Variants in AMTN observed in about 807,000 individuals in gnomAD.
AMTN encodes RSTI689.
In AMTN, 29 loss-of-function variants were observed where a neutral mutation model predicts 27.4. That is an observed-to-expected ratio of 1.06 (90% CI 0.79 to 1.44). The LOEUF is 1.44. AMTN is among the 40% of genes most tolerant of loss of function. The probability of loss-of-function intolerance (pLI) is 0.00; values close to 1 mark genes in which losing one functional copy is unlikely to be tolerated. For synonymous variants in AMTN, 86 were observed against 95.7 expected, an observed-to-expected ratio of 0.90 and a Z score of 0.59; for missense variants, 247 against 248.8, an observed-to-expected ratio of 0.99 and a Z score of 0.05.
At chr4:70,525,078 C>A (rs17733287) in intron 5 of AMTN, 117 bp downstream of exon 5, 339,295 of 826,182 alleles carry the variant, frequency 0.41, 72,859 homozygotes, top group Admixed American at 0.5. Flanking sequence ...TATTAACTGA[C>A]GAATGTTCTG....
intron 2 of AMTN, among the ~76,000 whole-genome samples, chr4:70,521,660 T>C (rs1033805491): frequency 8.9e-6 from 1 of 112,550 alleles, no homozygotes; most frequent in East Asian, 2.4e-4. Context: ...TTTTTTTTTT[T>C]TTTTTTTTTT....
intron 2 of AMTN, among the ~76,000 whole-genome samples, chr4:70,521,347 T>C (rs1409475110): frequency 7.2e-6 from 1 of 138,298 alleles, no homozygotes; most frequent in Non-Finnish European, 1.5e-5. Flanking sequence ...TCCATTGCAC[T>C]CCAATCTGGA....
At position 70,529,177 on chromosome 4, in the gene AMTN, C is replaced by G. The variant is rs1463344415; in HGVS notation, c.331-7C>G. On this transcript the variant is annotated splice_region_variant and splice_polypyrimidine_tract_variant and intron_variant, in intron 6 of 8. Transcript: ENST00000339336. Reference sequence around the variant, plus strand: ...CTAACAAATTGTGTTTGTCATTTTGCTTTTAGGGCACTATCCTAAGCTCAG... The same window carrying G: ...CTAACAAATTGTGTTTGTCATTTTGGTTTTAGGGCACTATCCTAAGCTCAG... 1 of 1,555,040 alleles carries G rather than the reference C, an allele frequency of 6.4e-7. No individual in the cohort carries two copies. Among genetic ancestry groups the G allele is most frequent in the Non-Finnish European group, 8.7e-7 (1 of 1,155,930 alleles).
chr4:70,522,107 A>G (rs955126923), intron 2 of AMTN, among the ~76,000 whole-genome samples: 1 of 151,966 alleles, frequency 6.6e-6, no homozygotes, highest in African/African-American at 2.4e-5. Context: ...TTTTTCGGAG[A>G]CTAAGAGCAC....
At chr4:70,522,213 C>A (rs535563682) in intron 2 of AMTN, among the ~76,000 whole-genome samples, 1 of 152,012 alleles carries the variant, frequency 6.6e-6, no homozygotes, top group Non-Finnish European at 1.5e-5. Context: ...AAAAATAATA[C>A]AACTAGACCA....
intron 3 of AMTN, among the ~76,000 whole-genome samples, chr4:70,523,061 C>CTT (rs1736016482): frequency 6.6e-6 from 1 of 152,148 alleles, no homozygotes; most frequent in Non-Finnish European, 1.5e-5. Flanking sequence ...TACTCTAATT[C>CTT]TTTTTCCTTT....
Position 70,524,956 on chromosome 4 carries a change from C to G in AMTN, c.289C>G (p.Pro97Ala), listed in dbSNP as rs1736069472. 1 of 1,613,616 alleles carries G rather than the reference C, an allele frequency of 6.2e-7. No individual in the cohort carries two copies. Among genetic ancestry groups the G allele is most frequent in the Non-Finnish European group, 8.5e-7 (1 of 1,179,704 alleles). The change falls in exon 5 of 9, where the codon CCA becomes GCA. Residue 97 changes from proline (P) to alanine (A), a missense_variant. Physicochemically the swap from Pro to Ala is conservative, Grantham distance 27 (BLOSUM62 -1). Coordinates refer to ENST00000339336, the MANE Select transcript of AMTN (RefSeq NM_212557.4). Reference protein sequence around the residue: ...GGLNVQQQLHPHVLPIFVTQL... With the variant: ...GGLNVQQQLHAHVLPIFVTQL... ...GTTGAATGTACAACAGCAACTGCAC[C>G]CACATGTAAGTTGAACAGCTGGACC...
At chr4:70,522,621 G>A in intron 2 of AMTN, 134 bp from the exon 3 acceptor site, 1 of 844,034 alleles carries the variant, frequency 1.2e-6, no homozygotes, top group Non-Finnish European at 2.0e-6. Context: ...AATGTTTCAG[G>A]GAATCAAACT....
At chr4:70,521,832 C>T (rs989835809) in intron 2 of AMTN, among the ~76,000 whole-genome samples, 1 of 151,924 alleles carries the variant, frequency 6.6e-6, no homozygotes, top group Non-Finnish European at 1.5e-5. Context: ...GTTAGCCAGG[C>T]TGGTCCTGAA....
At position 70,532,697 on chromosome 4, in the gene AMTN, T is replaced by C; in HGVS notation, c.*232T>C. ...TAAATCTGTCTTTGAAATATAACAT[T>C]ATGCTGCCTGGATGATATGCATATT... On this transcript the variant is annotated 3_prime_UTR_variant, in exon 9 of 9. Transcript: ENST00000339336. 2.2e-6 allele frequency: 1 copy of C among 464,372 alleles called. No individual in the cohort carries two copies. Among genetic ancestry groups the C allele is most frequent in the Non-Finnish European group, 3.8e-6 (1 of 262,864 alleles). 28.8% of individuals were successfully genotyped at this position (464,372 alleles called of 1,614,324 possible).
intron 7 of AMTN, 101 bp downstream of exon 7, chr4:70,529,311 T>C: frequency 1.3e-6 from 1 of 788,486 alleles, no homozygotes. Flanking sequence ...AAATATGGTA[T>C]GTACTACAAT....
rs948911077 is a variant in AMTN at position 70,518,610 on chromosome 4, C to A, written c.-60C>A. On this transcript the variant is annotated 5_prime_UTR_variant, in exon 1 of 9. Transcript: ENST00000339336. ...TTTCACCAGAGTAAACTTGAGAAAC[C>A]AACTGGACCTTGAGTATTGTACATT... The A allele has an allele frequency of 5.1e-6, 3 of 583,634 alleles. No homozygotes were observed. The highest frequency in any genetic ancestry group is 3.8e-5 in the African/African-American group (2 of 52,860). The allele number at this position is 583,634 out of a possible 1,614,324, so 36.2% of individuals were successfully genotyped here.
chr4:70,532,383 A>T, intron 8 of AMTN, 72 bp from the exon 9 acceptor site: 1 of 1,253,094 alleles, frequency 8.0e-7, no homozygotes, highest in Non-Finnish European at 1.1e-6. Flanking sequence ...AGAAACTTGG[A>T]TCTCAAGTAA....
intron 2 of AMTN, among the ~76,000 whole-genome samples, 172 bp from the exon 3 acceptor site, chr4:70,522,583 T>C (rs1735999728): frequency 6.6e-6 from 1 of 152,144 alleles, no homozygotes; most frequent in Non-Finnish European, 1.5e-5. Flanking sequence ...CTGGCATTTT[T>C]CCACTCTACA....
At position 70,523,899 on chromosome 4, in the gene AMTN, C is replaced by T; in HGVS notation, c.170C>T (p.Thr57Ile). ...VFPSLSLIPL[T>I]QMLTLGPDLH... is the part of the protein sequence containing the mutation. ...CCTTCTTTAAGTCTGATACCATTAA[C>T]ACAGATGCTCACACTGGGGCCAGAT... Residue 57 changes from threonine (T) to isoleucine (I), a missense_variant, in exon 4 of 9, where the codon ACA becomes ATA. By Grantham distance (89) the Thr-to-Ile change is moderately conservative. Transcript: ENST00000339336. 1 of 1,613,842 alleles carries T rather than the reference C, an allele frequency of 6.2e-7. No individual in the cohort carries two copies. The highest frequency in any genetic ancestry group is 1.1e-5 in the South Asian group (1 of 91,056).
Position 70,529,058 on chromosome 4 carries a change from A to G in AMTN, c.331-126A>G, listed in dbSNP as rs892487082. On this transcript the variant is annotated intron_variant, in intron 6 of 8. Transcript: ENST00000339336. ...TATAGATCATAAGGCAGTTTAACATATTATTGGAAAGGCAAAATCTGTATA... is the reference window on the plus strand; with the variant it reads ...TATAGATCATAAGGCAGTTTAACATGTTATTGGAAAGGCAAAATCTGTATA... 3 of 887,486 alleles carry G rather than the reference A, an allele frequency of 3.4e-6. No individual in the cohort carries two copies. In the East Asian group the frequency reaches 8.9e-5, roughly 26 times the overall value. 55.0% of individuals were successfully genotyped at this position (887,486 alleles called of 1,614,324 possible). A position where few individuals can be genotyped will look rare whatever the true frequency, so the allele number is the denominator to read the frequency against.
intron 2 of AMTN, among the ~76,000 whole-genome samples, chr4:70,521,391 AAAAG>A (rs1350688394): frequency 5.5e-4 from 76 of 138,790 alleles, no homozygotes; most frequent in Non-Finnish European, 9.9e-4. Context: ...AAAAAAAAAA[AAAAG>A]AAGAAGAAAA....
At position 70,531,598 on chromosome 4, in the gene AMTN, C is replaced by T. The variant is rs190109170; in HGVS notation, c.619+298C>T. 3.0e-3 allele frequency among the ~76,000 whole-genome samples: 464 copies of T among 152,192 alleles called. 4 individuals carry two copies. Among genetic ancestry groups the T allele is most frequent in the Admixed American group, 0.022 (335 of 15,286 alleles). On this transcript the variant is annotated intron_variant, in intron 8 of 8. Transcript: ENST00000339336. ...CATGATCTCGGCTCACTGCAACCTC[C>T]GTCTCCTAGGTTCAAGCGATTCTCA...
intron 5 of AMTN, among the ~76,000 whole-genome samples, chr4:70,525,688 G>A (rs1033068447): frequency 6.6e-6 from 1 of 152,082 alleles, no homozygotes; most frequent in Admixed American, 6.6e-5. Context: ...TTGAGCCCAG[G>A]CATTTGAGAC....
Sources: gnomAD v4.1 joint callset for allele counts (sites outside exome capture counted in the v4.1 genomes callset) on GRCh38, gnomAD v4.1.1 for gene constraint, MANE v1.5 for transcripts, NCBI Gene and HGNC (gene_info 2026-07-23, HGNC 2026-07-21) for gene names.